Variants in FAM47E observed in about 807,000 individuals in gnomAD.
FAM47E encodes protein FAM47E.
FAM47E carries 32 observed loss-of-function variants against 41.6 expected under a neutral mutation model. The observed-to-expected ratio is 0.77, with a 90% CI of 0.58 to 1.03. FAM47E has a LOEUF of 1.03. Among genes scored for constraint, FAM47E ranks in the 50% least tolerant of loss-of-function variants. The pLI is 0.00. For synonymous variants in FAM47E, 184 were observed against 188.7 expected, an observed-to-expected ratio of 0.98 and a Z score of 0.20; for missense variants, 424 against 485.4, an observed-to-expected ratio of 0.87 and a Z score of 1.19.
At chr4:76,260,411 A>G (rs191924535) in intron 2 of FAM47E, among the ~76,000 whole-genome samples, 4 of 152,334 alleles carry the variant, frequency 2.6e-5, no homozygotes, top group African/African-American at 9.6e-5. Flanking sequence ...ATAAAGCCAC[A>G]CACCTACAAC....
intron 2 of FAM47E, among the ~76,000 whole-genome samples, chr4:76,243,916 C>G (rs981245919): frequency 6.6e-6 from 1 of 152,108 alleles, no homozygotes; most frequent in African/African-American, 2.4e-5. Context: ...TGACAGGCCC[C>G]GGTATGTGTT....
At chr4:76,260,229 G>A (rs1734350950) in intron 2 of FAM47E, among the ~76,000 whole-genome samples, 1 of 151,988 alleles carries the variant, frequency 6.6e-6, no homozygotes, top group Non-Finnish European at 1.5e-5. Context: ...AATTCATACA[G>A]AATCAAAAAA....
At chr4:76,233,542 C>A (rs1733528353) in intron 2 of FAM47E, among the ~76,000 whole-genome samples, 1 of 151,612 alleles carries the variant, frequency 6.6e-6, no homozygotes, top group Non-Finnish European at 1.5e-5. Flanking sequence ...TTTCTTTAGG[C>A]CAAATTAATT....
chr4:76,222,632 C>T (rs1452797669), intron 2 of FAM47E, among the ~76,000 whole-genome samples: 1 of 152,184 alleles, frequency 6.6e-6, no homozygotes, highest in East Asian at 1.9e-4. Context: ...GGGTTTTGGT[C>T]CTTCACATTC....
At chr4:76,250,288 AT>A (rs1733924756), upstream of FAM47E, among the ~76,000 whole-genome samples, 1 of 151,940 alleles carries the variant, frequency 6.6e-6, no homozygotes, top group South Asian at 2.1e-4. Flanking sequence ...TGTGGTTTTG[AT>A]TTGCATTTCC....
At chr4:76,259,003 G>T (rs547548744) in intron 2 of FAM47E, among the ~76,000 whole-genome samples, 21 of 152,326 alleles carry the variant, frequency 1.4e-4, no homozygotes, top group Middle Eastern at 3.4e-3. Context: ...GGATGTGTCT[G>T]AGAGGATGTC....
chr4:76,275,134 C>G (rs1735044707), intron 5 of FAM47E, among the ~76,000 whole-genome samples: 1 of 152,104 alleles, frequency 6.6e-6, no homozygotes, highest in Non-Finnish European at 1.5e-5. Flanking sequence ...AAGTCCCTGT[C>G]TTTGTTTTCT....
intron 2 of FAM47E, among the ~76,000 whole-genome samples, chr4:76,244,531 T>A (rs1733781687): frequency 6.8e-6 from 1 of 146,842 alleles, no homozygotes; most frequent in Non-Finnish European, 1.5e-5. Context: ...GCAGGCATTC[T>A]TCTTTTTTTT....
upstream of FAM47E, among the ~76,000 whole-genome samples, chr4:76,247,910 C>CTTTTTTTTTTTTTTTT (rs753751295): frequency 2.3e-5 from 2 of 86,844 alleles, no homozygotes; most frequent in Admixed American, 1.8e-4. Flanking sequence ...CACTCTCTCT[C>CTTTTTTTTTTTTTTTT]TTTTTTTTTT....
At chr4:76,267,009 C>G (rs1400364514) in intron 3 of FAM47E, among the ~76,000 whole-genome samples, 1 of 141,676 alleles carries the variant, frequency 7.1e-6, no homozygotes, top group Non-Finnish European at 1.5e-5. Context: ...TGCTCCCTAC[C>G]ATCACTCTCC....
At chr4:76,278,291 T>C in intron 6 of FAM47E, 67 bp downstream of exon 6, 2 of 1,402,904 alleles carry the variant, frequency 1.4e-6, no homozygotes, top group South Asian at 3.5e-5. Flanking sequence ...GCCACCCTCC[T>C]ACTGAACCAG....
intron 1 of FAM47E, among the ~76,000 whole-genome samples, chr4:76,215,197 T>C (rs969962669): frequency 4.6e-5 from 7 of 151,984 alleles, no homozygotes; most frequent in African/African-American, 1.7e-4. Context: ...TGGTCAGTTA[T>C]GCTATCTACA....
chr4:76,259,047 G>A (rs1458805367), intron 2 of FAM47E, among the ~76,000 whole-genome samples: 1 of 152,168 alleles, frequency 6.6e-6, no homozygotes, highest in Non-Finnish European at 1.5e-5. Context: ...TCTGAGTGGA[G>A]CAGGCCAGAA....
At chr4:76,280,497 C>A (rs569877573) in intron 7 of FAM47E, 156 bp downstream of exon 7, 50 of 531,328 alleles carry the variant, frequency 9.4e-5, no homozygotes, top group African/African-American at 8.6e-4. Flanking sequence ...TCTCCCCAGA[C>A]GGGGACTCAG....
At chr4:76,240,465 T>C (rs1733684618) in intron 2 of FAM47E, among the ~76,000 whole-genome samples, 2 of 152,162 alleles carry the variant, frequency 1.3e-5, no homozygotes, top group African/African-American at 4.8e-5. Flanking sequence ...GGTCATAATT[T>C]CTTTGAATAA....
intron 2 of FAM47E, among the ~76,000 whole-genome samples, chr4:76,229,922 T>A (rs1450564821): frequency 6.6e-6 from 1 of 152,118 alleles, no homozygotes; most frequent in Admixed American, 6.5e-5. Context: ...TGGAGCAGGG[T>A]TATTCTGTCA....
Position 76,283,478 on chromosome 4 carries a change from T to C in FAM47E, c.*20T>C, listed in dbSNP as rs1213342503. 3.5e-6 allele frequency: 5 copies of C among 1,418,008 alleles called. No homozygotes were observed. Among genetic ancestry groups the C allele is most frequent in the Admixed American group, 2.0e-5 (1 of 50,288 alleles). The allele number at this position is 1,418,008 out of a possible 1,614,324, so 87.8% of individuals were successfully genotyped here. On this transcript the variant is annotated 3_prime_UTR_variant, in exon 8 of 8. Coordinates refer to ENST00000424749, the MANE Select transcript of FAM47E (RefSeq NM_001136570.3). ...GCATAGAAGAATCGTAGGAGAATGA[T>C]TAGGCAGATTTTATTACTACGTACT...
At chr4:76,272,553 C>T (rs1734935503) in intron 5 of FAM47E, among the ~76,000 whole-genome samples, 2 of 152,182 alleles carry the variant, frequency 1.3e-5, no homozygotes, top group Admixed American at 1.3e-4. Context: ...CCTATTTTGG[C>T]ACACATTATG....
chr4:76,259,503 C>T (rs2197101), intron 2 of FAM47E, among the ~76,000 whole-genome samples: 4 of 152,288 alleles, frequency 2.6e-5, no homozygotes, highest in Admixed American at 2.0e-4. Flanking sequence ...AATTCTAAAA[C>T]TTATCTACTT....
Sources: gnomAD v4.1 joint callset for allele counts (sites outside exome capture counted in the v4.1 genomes callset) on GRCh38, gnomAD v4.1.1 for gene constraint, MANE v1.5 for transcripts, NCBI Gene and HGNC (gene_info 2026-07-23, HGNC 2026-07-21) for gene names.